ACSL5: variants seen among roughly 807,000 people sequenced by gnomAD.
ACSL5 encodes the protein long-chain-fatty-acid--CoA ligase 5.
In ACSL5, 50 loss-of-function variants were observed where a neutral mutation model predicts 84.9. That is an observed-to-expected ratio of 0.59 (90% CI 0.47 to 0.75). The LOEUF (loss-of-function observed/expected upper bound fraction) is 0.75. Ranked by LOEUF, ACSL5 falls within the 30% of genes least tolerant of loss-of-function variation. The pLI, the probability that ACSL5 is intolerant of heterozygous loss-of-function variation, is 0.00. For missense variants in ACSL5, 775 were observed against 830.4 expected, an observed-to-expected ratio of 0.93 and a Z score of 0.82; for synonymous variants, 280 against 300.7, an observed-to-expected ratio of 0.93 and a Z score of 0.71.
intron 9 of ACSL5, among the ~76,000 whole-genome samples, chr10:112,410,999 T>G (rs1247965085): frequency 1.3e-5 from 2 of 152,020 alleles, no homozygotes; most frequent in Non-Finnish European, 2.9e-5. Context: ...AACCCCACCC[T>G]ACATCCACCC....
intron 2 of ACSL5, among the ~76,000 whole-genome samples, chr10:112,395,537 A>G (rs780504835): frequency 1.1e-4 from 16 of 152,214 alleles, no homozygotes; most frequent in Non-Finnish European, 2.1e-4. Flanking sequence ...GGACAGGATG[A>G]CATTTTCATT....
intron 3 of ACSL5, among the ~76,000 whole-genome samples, chr10:112,402,129 C>T (rs1843926797): frequency 6.6e-6 from 1 of 151,936 alleles, no homozygotes; most frequent in African/African-American, 2.4e-5. Context: ...CCACCCATAG[C>T]TAATTTTTTT....
chr10:112,384,708 G>A (rs139309473), intron 1 of ACSL5, among the ~76,000 whole-genome samples: 351 of 152,076 alleles, frequency 2.3e-3, no homozygotes, highest in Non-Finnish European at 3.3e-3. Flanking sequence ...GGTCCTCACC[G>A]TGTTCCCCAG....
chr10:112,383,095 C>T (rs991333164), intron 1 of ACSL5, among the ~76,000 whole-genome samples: 1 of 152,002 alleles, frequency 6.6e-6, no homozygotes, highest in Non-Finnish European at 1.5e-5. Flanking sequence ...TTAGGGAGAC[C>T]CCATCTCTAC....
intron 9 of ACSL5, among the ~76,000 whole-genome samples, chr10:112,411,068 T>G (rs1844165545): frequency 6.6e-6 from 1 of 152,238 alleles, no homozygotes; most frequent in Non-Finnish European, 1.5e-5. Flanking sequence ...AGTTATATTC[T>G]TTCTAGTATG....
chr10:112,414,558 A>G (rs1420230731), intron 12 of ACSL5, among the ~76,000 whole-genome samples: 1 of 151,946 alleles, frequency 6.6e-6, no homozygotes, highest in African/African-American at 2.4e-5. Flanking sequence ...GGGTTTCACC[A>G]TATTGGCCAG....
chr10:112,415,983 C>T (rs924057060), intron 12 of ACSL5, among the ~76,000 whole-genome samples: 1 of 151,924 alleles, frequency 6.6e-6, no homozygotes, highest in Admixed American at 6.6e-5. Context: ...GGAAATCATG[C>T]GAGCTGGAAA....
At chr10:112,425,078 G>T in intron 17 of ACSL5, 1 of 285,454 alleles carries the variant, frequency 3.5e-6, no homozygotes, top group East Asian at 5.7e-5. Context: ...GCATCAATTT[G>T]CATAACTCCA....
chr10:112,413,967 C>A (rs1438736119), intron 12 of ACSL5, among the ~76,000 whole-genome samples: 1 of 152,038 alleles, frequency 6.6e-6, no homozygotes, highest in East Asian at 1.9e-4. Context: ...CATACTTACA[C>A]CTATTATTTC....
Position 112,404,746 on chromosome 10 carries a change from T to C in ACSL5, c.372T>C (p.His124=), listed in dbSNP as rs1843990959. Residue 124 remains histidine, a synonymous_variant, in exon 5 of 21, where the codon CAT becomes CAC. Transcript: ENST00000354655. ...RAEYLGSCLL[H]KGYKSSPDQF... Reference sequence around the variant, plus strand: ...AGTACCTGGGTTCCTGTCTCTTGCATAAAGGTTATAAATCATCACCAGACC... The same window carrying C: ...AGTACCTGGGTTCCTGTCTCTTGCACAAAGGTTATAAATCATCACCAGACC... The C allele has an allele frequency of 1.2e-6, 2 of 1,613,948 alleles. No homozygotes were observed. Among genetic ancestry groups the C allele is most frequent in the Non-Finnish European group, 8.5e-7 (1 of 1,179,962 alleles).
At chr10:112,427,177 A>C in intron 20 of ACSL5, 41 bp from the exon 21 acceptor site, 1 of 1,577,076 alleles carries the variant, frequency 6.3e-7, no homozygotes, top group South Asian at 1.2e-5. Context: ...GAGAAGTCCA[A>C]ATCACTAATG....
chr10:112,418,045 T>C, intron 14 of ACSL5, 104 bp downstream of exon 14: 1 of 849,200 alleles, frequency 1.2e-6, no homozygotes, highest in Non-Finnish European at 1.8e-6. Flanking sequence ...AAAATGAAAG[T>C]CACCTAAATT....
intron 7 of ACSL5, 45 bp downstream of exon 7, chr10:112,409,730 A>G: frequency 3.8e-6 from 6 of 1,584,542 alleles, no homozygotes; most frequent in Non-Finnish European, 5.2e-6. Flanking sequence ...CTTGTCCAAC[A>G]CCTTGGGCAA....
In ACSL5 at chr10:112,417,955, C is replaced by T. The variant is rs1351360705; in HGVS notation, c.1314+14C>T. On this transcript the variant is annotated intron_variant, in intron 14 of 20. Transcript: ENST00000354655. ...ATGGGATGTCAGGTAAGCCAAGCAC[C>T]TTCTTTGAGAATAGGCTATTTTACT... The T allele has an allele frequency of 6.3e-7, 1 of 1,579,320 alleles. No individual in the cohort carries two copies. The highest frequency in any genetic ancestry group is 1.8e-5 in the Admixed American group (1 of 54,500).
intron 17 of ACSL5, among the ~76,000 whole-genome samples, chr10:112,423,372 A>AG (rs1844554083): frequency 6.7e-6 from 1 of 149,544 alleles, no homozygotes; most frequent in African/African-American, 2.5e-5. Context: ...TTAAAAAAAA[A>AG]TTTTTATAGA....
chr10:112,416,158 C>T (rs1844307574), intron 12 of ACSL5, among the ~76,000 whole-genome samples: 1 of 152,104 alleles, frequency 6.6e-6, no homozygotes, highest in Admixed American at 6.6e-5. Flanking sequence ...GGGAGGAAGA[C>T]ATGATACTTG....
At chr10:112,381,632 C>T (rs1404288664) in intron 1 of ACSL5, among the ~76,000 whole-genome samples, 2 of 142,772 alleles carry the variant, frequency 1.4e-5, no homozygotes, top group Non-Finnish European at 3.0e-5. Context: ...CGTACCACTG[C>T]ACTCCAGCCT....
chr10:112,377,699 C>A (rs1410804980), intron 1 of ACSL5, among the ~76,000 whole-genome samples: 1 of 152,116 alleles, frequency 6.6e-6, no homozygotes, highest in Non-Finnish European at 1.5e-5. Flanking sequence ...AAACACAGAA[C>A]ATGTCTTGAA....
At chr10:112,395,332 T>C (rs2133593301) in intron 2 of ACSL5, among the ~76,000 whole-genome samples, 1 of 152,344 alleles carries the variant, frequency 6.6e-6, no homozygotes, top group East Asian at 1.9e-4. Context: ...TTGGCAAACA[T>C]AGCCATGAAC....
Sources: allele counts gnomAD v4.1 joint callset (sites outside exome capture counted in the v4.1 genomes callset), GRCh38; gene constraint gnomAD v4.1.1; transcripts MANE v1.5; gene names NCBI Gene and HGNC (gene_info 2026-07-23, HGNC 2026-07-21).